The following RNF17 variants were observed in gnomAD, a reference collection of about 807,000 sequenced individuals.
RNF17 encodes the protein spermatogenesis associated 23.
RNF17 carries 31 observed loss-of-function variants against 200.5 expected under a neutral mutation model. The ratio of observed to expected loss-of-function variants is 0.15; its 90% CI spans 0.12 to 0.21. RNF17 has a LOEUF of 0.21. RNF17 is among the 10% of genes least tolerant of loss of function. RNF17 has a pLI of 1.00. For missense variants in RNF17, 1,628 were observed against 1,905.1 expected, an observed-to-expected ratio of 0.85 and a Z score of 2.71; for synonymous variants, 606 against 637.8, an observed-to-expected ratio of 0.95 and a Z score of 0.75.
Position 24,775,699 on chromosome 13 carries a change from T to C in RNF17, c.317+795T>C, listed in dbSNP as rs1881465561. On this transcript the variant is annotated intron_variant, in intron 3 of 35. Coordinates refer to ENST00000255324, the MANE Select transcript of RNF17 (RefSeq NM_031277.3). ...TGTTGTATAAGACTTTATACATGTATGCATTAATAGATTCTCTTTTTGAAT... is the reference window on the plus strand; with the variant it reads ...TGTTGTATAAGACTTTATACATGTACGCATTAATAGATTCTCTTTTTGAAT... Among the ~76,000 whole-genome samples, 3 of 152,360 alleles carry C rather than the reference T, an allele frequency of 2.0e-5. No homozygotes were observed. The South Asian group carries it at 6.2e-4, about 32-fold the overall frequency.
chr13:24,794,134 T>G (rs1421870535), intron 10 of RNF17: 1 of 442,792 alleles, frequency 2.3e-6, no homozygotes, highest in East Asian at 7.0e-5. Flanking sequence ...CAAGTTGTCT[T>G]TATTTCTTAT....
intron 15 of RNF17, among the ~76,000 whole-genome samples, chr13:24,822,315 A>G (rs1008225644): frequency 1.1e-4 from 16 of 152,078 alleles, no homozygotes; most frequent in African/African-American, 3.6e-4. Flanking sequence ...TTTATAGGCT[A>G]CTCTTTGTTA....
At chr13:24,846,711 GA>G (rs1485948067) in intron 22 of RNF17, among the ~76,000 whole-genome samples, 13 of 152,136 alleles carry the variant, frequency 8.5e-5, no homozygotes, top group Middle Eastern at 3.4e-3. Flanking sequence ...AAAAAAAATT[GA>G]AAAAAATCTC....
chr13:24,871,906 C>T (rs1172793015), intron 32 of RNF17, among the ~76,000 whole-genome samples: 1 of 150,036 alleles, frequency 6.7e-6, no homozygotes, highest in East Asian at 2.0e-4. Flanking sequence ...GCTGGGATTA[C>T]AGGCGTGAGC....
At chr13:24,833,304 T>C (rs1159273054) in intron 18 of RNF17, among the ~76,000 whole-genome samples, 2 of 152,234 alleles carry the variant, frequency 1.3e-5, no homozygotes, top group Non-Finnish European at 2.9e-5. Flanking sequence ...AGTATATCTC[T>C]GATAATTTAT....
intron 15 of RNF17, among the ~76,000 whole-genome samples, chr13:24,814,268 A>G (rs1187265313): frequency 3.3e-5 from 5 of 152,148 alleles, no homozygotes; most frequent in African/African-American, 1.2e-4. Flanking sequence ...ATTTGCACAT[A>G]ATTGGAACTG....
the RNF17 span, among the ~76,000 whole-genome samples, chr13:24,749,303 C>CTTTTTT: frequency 6.3e-5 from 2 of 31,950 alleles, no homozygotes; most frequent in East Asian, 1.4e-3. Context: ...TTCTTTCTTT[C>CTTTTTT]TTTCTTTTTT....
chr13:24,748,480 G>T, the RNF17 span, among the ~76,000 whole-genome samples: 5 of 152,156 alleles, frequency 3.3e-5, no homozygotes, highest in African/African-American at 9.7e-5. Context: ...ACAACAAAAA[G>T]GATTTAGTGT....
Position 24,802,444 on chromosome 13 carries a change from T to C in RNF17, c.1822T>C (p.Ser608Pro). 1 of 1,613,976 alleles carries C rather than the reference T, an allele frequency of 6.2e-7. No homozygotes were observed. The highest frequency in any genetic ancestry group is 1.7e-4 in the Middle Eastern group (1 of 6,058). ...FLKMVNNKAV[S>P]MKVFREEDGV... ...GAAAATGGTAAATAACAAGGCTGTT[T>C]CAATGAAAGTTTTTAGAGAAGAAGA... The change falls in exon 14 of 36, where the codon TCA (serine) becomes CCA (proline). Residue 608 changes from serine to proline, a missense_variant. Ser to Pro is a moderately conservative substitution (Grantham distance 74). Transcript: ENST00000255324.
At chr13:24,763,575 G>A (rs367977567), upstream of RNF17, among the ~76,000 whole-genome samples, 1 of 151,926 alleles carries the variant, frequency 6.6e-6, no homozygotes, top group Non-Finnish European at 1.5e-5. Flanking sequence ...TTATTTTGGC[G>A]GAAGTTACTG....
intron 25 of RNF17, among the ~76,000 whole-genome samples, chr13:24,854,494 A>C (rs973991628): frequency 1.4e-4 from 22 of 151,860 alleles, no homozygotes; most frequent in Non-Finnish European, 2.9e-5. Flanking sequence ...ACACTTACTG[A>C]GTTGGCATTA....
At position 24,853,913 on chromosome 13, in the gene RNF17, G is replaced by C. The variant is rs368465164; in HGVS notation, c.3379G>C (p.Glu1127Gln). The C allele has an allele frequency of 3.8e-5, 62 of 1,613,632 alleles. No individual in the cohort carries two copies. Among genetic ancestry groups the C allele is most frequent in the Non-Finnish European group, 3.6e-5 (43 of 1,179,808 alleles). ...TGAGAAGTCTCTGGAAGTCCCCCTG[G>C]AACAGGAAGATTCAGTAGTTACTAA... is the stretch of plus-strand genomic sequence containing the variant. ...LSEKSLEVPL[E>Q]QEDSVVTNCI... Residue 1127 changes from glutamate (E) to glutamine (Q), a missense_variant, in exon 25 of 36, where the codon GAA (glutamate) becomes CAA (glutamine). Around this residue, in one of 5 missense-constraint regions of RNF17, gnomAD observed 609 missense variants for 681.9 expected, o/e 0.89. Coordinates refer to ENST00000255324, the MANE Select transcript of RNF17 (RefSeq NM_031277.3).
intron 18 of RNF17, among the ~76,000 whole-genome samples, chr13:24,839,656 T>A (rs1176989360): frequency 6.6e-6 from 1 of 152,158 alleles, no homozygotes; most frequent in African/African-American, 2.4e-5. Flanking sequence ...CAACAAATGG[T>A]GCTGGGATAA....
chr13:24,788,992 C>T (rs1322093434), intron 7 of RNF17, among the ~76,000 whole-genome samples: 1 of 152,118 alleles, frequency 6.6e-6, no homozygotes, highest in Non-Finnish European at 1.5e-5. Context: ...ACACGTGCAA[C>T]ACTAGGTGAT....
chr13:24,877,339 C>T (rs759502904), intron 34 of RNF17, among the ~76,000 whole-genome samples, 153 bp downstream of exon 34: 64 of 151,938 alleles, frequency 4.2e-4, no homozygotes, highest in Non-Finnish European at 5.0e-4. Context: ...TTTATATATA[C>T]ATATAAAGCT....
chr13:24,847,776 G>T (rs1323569047), intron 22 of RNF17, among the ~76,000 whole-genome samples: 1 of 152,054 alleles, frequency 6.6e-6, no homozygotes, highest in African/African-American at 2.4e-5. Flanking sequence ...TCTTCCTATT[G>T]TCTGTGATCA....
chr13:24,812,609 T>A (rs1390707224), intron 15 of RNF17, among the ~76,000 whole-genome samples: 9 of 151,326 alleles, frequency 5.9e-5, no homozygotes, highest in African/African-American at 2.2e-4. Flanking sequence ...TCTTCTGCGT[T>A]GTTGACACTG....
chr13:24,883,283 G>A, downstream of RNF17: 1 of 1,613,826 alleles, frequency 6.2e-7, no homozygotes, highest in Non-Finnish European at 8.5e-7. Context: ...GGTTTTAACA[G>A]TGCCATCTGG....
intron 13 of RNF17, among the ~76,000 whole-genome samples, chr13:24,801,429 G>A (rs542861273): frequency 2.6e-5 from 4 of 152,228 alleles, no homozygotes; most frequent in African/African-American, 4.8e-5. Flanking sequence ...GACCGCTTCG[G>A]CTCAGGAGTT....
Sources: gnomAD v4.1 joint callset for allele counts (sites outside exome capture counted in the v4.1 genomes callset) on GRCh38, gnomAD v4.1.1 for gene constraint, gnomAD v4.1.1 regional missense constraint, MANE v1.5 for transcripts, NCBI Gene and HGNC (gene_info 2026-07-23, HGNC 2026-07-21) for gene names.